Variants in DMD observed in about 807,000 individuals in gnomAD.
DMD encodes mutant dystrophin.
DMD carries 63 observed loss-of-function variants against 330.1 expected under a neutral mutation model. The observed-to-expected ratio is 0.19, with a 90% CI of 0.16 to 0.24. DMD has a LOEUF of 0.24. Among genes scored for constraint, DMD ranks in the 10% least tolerant of loss-of-function variants. The pLI is 1.00. For synonymous variants in DMD, 1,223 were observed against 959.8 expected (o/e 1.27, Z -5.07); for missense variants, 3,344 against 2,684.1 (o/e 1.25, Z -5.43).
chrX:33,128,188 T>C (rs750090198), intron 1 of DMD: 102 of 1,202,735 alleles, frequency 8.5e-5, no homozygotes, highest in Non-Finnish European at 1.1e-4. Flanking sequence ...GGAGGCTGGC[T>C]ACACACCTTC....
intron 17 of DMD, among the ~76,000 whole-genome samples, chrX:32,538,633 G>T (rs1405475822): frequency 9.0e-6 from 1 of 111,219 alleles, no homozygotes; most frequent in Non-Finnish European, 1.9e-5. Flanking sequence ...AGAATCAGGG[G>T]TCAGACTGTA....
intron 76 of DMD, among the ~76,000 whole-genome samples, chrX:31,138,009 A>C (rs2035475576): frequency 8.9e-6 from 1 of 111,993 alleles, no homozygotes; most frequent in Non-Finnish European, 1.9e-5. Context: ...CAGAGTGAAC[A>C]AGAGCTGGGA....
At chrX:32,034,756 A>C (rs73454005) in intron 44 of DMD, among the ~76,000 whole-genome samples, 1,379 of 111,862 alleles carry the variant, frequency 0.012, 33 homozygotes, top group African/African-American at 0.042. Flanking sequence ...TTTTTTAACA[A>C]AAGCCAGCGT....
intron 44 of DMD, among the ~76,000 whole-genome samples, chrX:32,011,883 C>G (rs2095711560): frequency 8.9e-6 from 1 of 111,766 alleles, no homozygotes; most frequent in Non-Finnish European, 1.9e-5. Context: ...GAGGAGTTCT[C>G]TTTATTATTA....
intron 63 of DMD, among the ~76,000 whole-genome samples, chrX:31,239,866 T>TTAG (rs1262665922): frequency 9.0e-6 from 1 of 111,621 alleles, no homozygotes; most frequent in African/African-American, 3.3e-5. Context: ...AACATTTCTT[T>TTAG]TAAAGAGTAG....
chrX:33,056,957 A>C (rs991308157), intron 1 of DMD, among the ~76,000 whole-genome samples: 2 of 111,559 alleles, frequency 1.8e-5, no homozygotes, highest in Admixed American at 1.9e-4. Context: ...TCTGTTATGA[A>C]AAAGCAAGCT....
At chrX:32,377,957 C>G (rs1427397310) in intron 34 of DMD, among the ~76,000 whole-genome samples, 1 of 110,648 alleles carries the variant, frequency 9.0e-6, no homozygotes, top group Non-Finnish European at 1.9e-5. Context: ...GGCCCTTTAG[C>G]ACTAAATTTT....
At chrX:33,331,036 A>G (rs944310925) in intron 1 of DMD, among the ~76,000 whole-genome samples, 5 of 112,311 alleles carry the variant, frequency 4.5e-5, no homozygotes, top group Admixed American at 9.5e-5. Flanking sequence ...CAGGGACTGT[A>G]TCTTAGTCAT....
intron 65 of DMD, among the ~76,000 whole-genome samples, chrX:31,208,232 T>C (rs2044284047): frequency 9.0e-6 from 1 of 111,265 alleles, no homozygotes; most frequent in African/African-American, 3.3e-5. Context: ...CAAAAAGAAA[T>C]CCTGGGCACT....
intron 41 of DMD, among the ~76,000 whole-genome samples, chrX:32,330,591 T>C (rs1042920771): frequency 8.9e-6 from 1 of 111,968 alleles, no homozygotes; most frequent in African/African-American, 3.2e-5. Flanking sequence ...TTACACTTTA[T>C]ATTGTTGTGT....
intron 1 of DMD, among the ~76,000 whole-genome samples, chrX:33,146,220 C>T (rs1202759684): frequency 2.7e-5 from 3 of 110,532 alleles, no homozygotes; most frequent in Non-Finnish European, 5.7e-5. Flanking sequence ...TAATATAAAA[C>T]ATTTTCGTCA....
At chrX:32,355,504 C>CTA (rs1244040938) in intron 37 of DMD, among the ~76,000 whole-genome samples, 1 of 111,717 alleles carries the variant, frequency 9.0e-6, no homozygotes, top group East Asian at 2.8e-4. Context: ...AAATGTTATG[C>CTA]TAACAAGACC....
At chrX:32,783,217 TATACGTGTATACGTATATACAC>T (rs1353524196) in intron 7 of DMD, among the ~76,000 whole-genome samples, 6 of 98,610 alleles carry the variant, frequency 6.1e-5, no homozygotes, top group Admixed American at 1.1e-4. Context: ...CATATGTGTA[TATACGTGTATACGTATATACAC>T]ATATGTGTAT....
chrX:32,468,770 T>C (rs1248189314), intron 22 of DMD, 60 bp from the exon 23 acceptor site: 4 of 948,710 alleles, frequency 4.2e-6, no homozygotes, highest in Non-Finnish European at 6.0e-6. Context: ...TGATGAGTTT[T>C]AGTGAAATTA....
chrX:32,799,214 C>T (rs1350181665), intron 7 of DMD, among the ~76,000 whole-genome samples: 3 of 110,797 alleles, frequency 2.7e-5, no homozygotes. Context: ...AGGGATTAGC[C>T]AAGCAGAAAA....
At chrX:33,233,887 T>C (rs1408834673) in intron 1 of DMD, among the ~76,000 whole-genome samples, 2 of 112,548 alleles carry the variant, frequency 1.8e-5, no homozygotes, top group African/African-American at 3.2e-5. Context: ...TTGCAAGATA[T>C]TACAATTGGG....
chrX:32,265,964 G>T (rs182105835), intron 43 of DMD, among the ~76,000 whole-genome samples: 4 of 111,736 alleles, frequency 3.6e-5, no homozygotes, highest in East Asian at 2.8e-4. Flanking sequence ...GACTTTGAGT[G>T]ACTGTTGGGA....
chrX:31,852,986 C>T (rs1409334375), intron 48 of DMD, among the ~76,000 whole-genome samples: 3 of 112,450 alleles, frequency 2.7e-5, no homozygotes, highest in East Asian at 2.8e-4. Flanking sequence ...CCAGCTCAAG[C>T]GGTTCTTGTG....
intron 7 of DMD, among the ~76,000 whole-genome samples, chrX:32,742,944 G>T (rs1321846159): frequency 9.0e-6 from 1 of 111,715 alleles, no homozygotes; most frequent in Non-Finnish European, 1.9e-5. Context: ...AGTTGCCAGA[G>T]ATCACACTGC....
Sources: gnomAD v4.1 joint callset for allele counts (sites outside exome capture counted in the v4.1 genomes callset) on GRCh38, gnomAD v4.1.1 for gene constraint, MANE v1.5 for transcripts, NCBI Gene and HGNC (gene_info 2026-07-23, HGNC 2026-07-21) for gene names.